Variants in PARD3 observed in about 807,000 individuals in gnomAD.
The protein encoded by PARD3 is par-3 family cell polarity regulator.
Under a neutral mutation model 155.4 loss-of-function variants are expected in PARD3, and 75 were observed. The observed-to-expected ratio is 0.48, with a 90% CI of 0.40 to 0.58. The LOEUF (loss-of-function observed/expected upper bound fraction) is 0.58, where lower values mean the gene tolerates loss of function less well. PARD3 is among the 20% of genes least tolerant of loss of function. PARD3 has a pLI of 0.00. For synonymous variants in PARD3, 576 were observed against 610.5 expected, an observed-to-expected ratio of 0.94 and a Z score of 0.83; for missense variants, 1,642 against 1,721.7, an observed-to-expected ratio of 0.95 and a Z score of 0.82.
chr10:34,628,063 C>T (rs1374733067), intron 2 of PARD3, among the ~76,000 whole-genome samples: 5 of 152,136 alleles, frequency 3.3e-5, no homozygotes, highest in African/African-American at 1.2e-4. Flanking sequence ...TTTGCACAGC[C>T]ATGATGAAGG....
intron 19 of PARD3, among the ~76,000 whole-genome samples, chr10:34,325,102 C>G (rs543155868): frequency 1.3e-5 from 2 of 152,054 alleles, no homozygotes; most frequent in African/African-American, 4.8e-5. Flanking sequence ...CTCCGCCTCC[C>G]GGGTTCAAGC....
intron 5 of PARD3, among the ~76,000 whole-genome samples, chr10:34,416,048 A>G (rs976433283): frequency 6.6e-5 from 10 of 152,170 alleles, no homozygotes; most frequent in African/African-American, 2.4e-4. Context: ...TGCTCAGAGT[A>G]GTTAGGTAAT....
At chr10:34,148,671 GT>G (rs779025387) in intron 22 of PARD3, among the ~76,000 whole-genome samples, 6 of 152,056 alleles carry the variant, frequency 3.9e-5, no homozygotes, top group Non-Finnish European at 8.8e-5. Context: ...AGTTGAAGAT[GT>G]TTTCCATAGA....
chr10:34,321,680 C>G lies in PARD3; in HGVS notation c.2834-4342G>C, dbSNP rs1958388427. Among the ~76,000 whole-genome samples, 3 of 152,082 alleles carry G rather than the reference C, an allele frequency of 2.0e-5. No individual in the cohort carries two copies. In the South Asian group the frequency reaches 6.2e-4, roughly 31 times the overall value. On this transcript the variant is annotated intron_variant, in intron 19 of 24. Coordinates refer to ENST00000374788, the MANE Select transcript of PARD3 (RefSeq NM_001184785.2). ...CTGCAATTAAGACATACCTAATTAC[C>G]ATGTTTTCAACAGATGCAAATGGAG...
intron 4 of PARD3, among the ~76,000 whole-genome samples, chr10:34,463,997 C>T (rs981214333): frequency 2.0e-5 from 3 of 152,066 alleles, no homozygotes; most frequent in Non-Finnish European, 2.9e-5. Context: ...AGGATGAAAT[C>T]GCCTAACAAT....
At chr10:34,235,886 A>G (rs557722876) in intron 22 of PARD3, among the ~76,000 whole-genome samples, 2 of 152,356 alleles carry the variant, frequency 1.3e-5, no homozygotes, top group African/African-American at 2.4e-5. Context: ...GTTTCCAAAC[A>G]TGGTATTTCT....
chr10:34,639,208 C>G (rs914102869), intron 2 of PARD3, among the ~76,000 whole-genome samples: 12 of 151,938 alleles, frequency 7.9e-5, no homozygotes, highest in Non-Finnish European at 1.3e-4. Context: ...CCAGCCTGAC[C>G]AACATGGTGA....
chr10:34,353,113 C>T (rs1202352836), intron 14 of PARD3, among the ~76,000 whole-genome samples: 1 of 151,964 alleles, frequency 6.6e-6, no homozygotes, highest in Non-Finnish European at 1.5e-5. Flanking sequence ...GCCCAGCAGC[C>T]GCCCCGTCTG....
intron 1 of PARD3, among the ~76,000 whole-genome samples, chr10:34,760,057 T>G (rs1837244603): frequency 1.3e-5 from 2 of 152,202 alleles, no homozygotes; most frequent in Non-Finnish European, 2.9e-5. Flanking sequence ...AATTCCAATC[T>G]TAGCCAACTA....
rs1835738827 is a variant in PARD3, at chr10:34,749,637, A to C, written c.121-53218T>G. On this transcript the variant is annotated intron_variant, in intron 1 of 24. Transcript: ENST00000374788. The stretch of plus-strand genomic sequence containing the variant: ...TTAAAAAGTGACAAAAAAGAAGATA[A>C]GTGAAAGAGCATTTAATATGTATTG... 4.6e-5 allele frequency among the ~76,000 whole-genome samples: 7 copies of C among 152,316 alleles called. No individual in the cohort carries two copies. The South Asian group carries it at 1.5e-3, about 32-fold the overall frequency.
chr10:34,179,470 C>G (rs142144647), intron 22 of PARD3, among the ~76,000 whole-genome samples: 1 of 152,292 alleles, frequency 6.6e-6, no homozygotes, highest in African/African-American at 2.4e-5. Flanking sequence ...TATAAATCAA[C>G]TCAAAATGTA....
At chr10:34,501,123 G>GA (rs1197682249) in intron 3 of PARD3, among the ~76,000 whole-genome samples, 4 of 152,050 alleles carry the variant, frequency 2.6e-5, no homozygotes, top group Admixed American at 6.6e-5. Flanking sequence ...TGGTCTCAAA[G>GA]AAATACTCAC....
At chr10:34,123,102 A>C (rs1295660388) in intron 23 of PARD3, among the ~76,000 whole-genome samples, 1 of 152,198 alleles carries the variant, frequency 6.6e-6, no homozygotes, top group African/African-American at 2.4e-5. Context: ...ATTACAAATA[A>C]CCCTGTGATG....
intron 7 of PARD3, among the ~76,000 whole-genome samples, chr10:34,389,443 TG>T (rs1842673509): frequency 6.6e-6 from 1 of 152,096 alleles, no homozygotes; most frequent in Non-Finnish European, 1.5e-5. Flanking sequence ...CAGTCACACA[TG>T]TTAACATTTT....
At chr10:34,304,751 G>A (rs905016592) in intron 20 of PARD3, among the ~76,000 whole-genome samples, 2 of 152,130 alleles carry the variant, frequency 1.3e-5, no homozygotes, top group South Asian at 2.1e-4. Context: ...TACCTTATAG[G>A]GTTATTATGA....
intron 22 of PARD3, among the ~76,000 whole-genome samples, chr10:34,210,719 A>G (rs10827338): frequency 0.36 from 54,367 of 152,050 alleles, 12,564 homozygotes; most frequent in African/African-American, 0.66. Flanking sequence ...TCACAGCCAC[A>G]GCCTGGACTT....
intron 2 of PARD3, among the ~76,000 whole-genome samples, chr10:34,538,551 A>T (rs2083376620): frequency 6.6e-6 from 1 of 152,222 alleles, no homozygotes; most frequent in South Asian, 2.1e-4. Flanking sequence ...CACTGCTGGG[A>T]TGTTTATTCA....
chr10:34,381,934 A>AG (rs1313199450), intron 9 of PARD3, among the ~76,000 whole-genome samples: 42 of 145,140 alleles, frequency 2.9e-4, no homozygotes, highest in Non-Finnish European at 5.6e-4. Context: ...AAAAAAAAAA[A>AG]AAAAAAAGAA....
chr10:34,298,751 T>C (rs1252214204), intron 20 of PARD3, among the ~76,000 whole-genome samples: 1 of 152,202 alleles, frequency 6.6e-6, no homozygotes, highest in Non-Finnish European at 1.5e-5. Context: ...ATATTAGGTA[T>C]ATTTCACCAC....
Sources: gnomAD v4.1 joint callset for allele counts (sites outside exome capture counted in the v4.1 genomes callset) on GRCh38, gnomAD v4.1.1 for gene constraint, MANE v1.5 for transcripts, NCBI Gene and HGNC (gene_info 2026-07-23, HGNC 2026-07-21) for gene names.